The following SAMD8 variants were observed in gnomAD, a reference collection of about 807,000 sequenced individuals.
SAMD8 encodes sterile alpha motif domain containing 8, also known as sphingomyelin synthase-related protein 1.
A neutral mutation model predicts 42.0 loss-of-function variants in SAMD8; 20 were observed. The observed-to-expected ratio is 0.48, with a 90% CI of 0.34 to 0.69. SAMD8 has a LOEUF of 0.69. SAMD8 is among the 30% of genes least tolerant of loss of function. SAMD8 has a pLI of 0.01. For synonymous variants in SAMD8, 162 were observed against 173.0 expected (o/e 0.94, Z 0.50); for missense variants, 328 against 511.6 (o/e 0.64, Z 3.46).
intron 2 of SAMD8, among the ~76,000 whole-genome samples, chr10:75,162,441 G>A (rs1410090222): frequency 1.3e-5 from 2 of 152,094 alleles, no homozygotes; most frequent in East Asian, 3.9e-4. Flanking sequence ...CCTGAGGTCA[G>A]GATTTCGAGA....
chr10:75,170,065 C>T (rs1282553932), intron 4 of SAMD8, among the ~76,000 whole-genome samples: 1 of 152,144 alleles, frequency 6.6e-6, no homozygotes, highest in Non-Finnish European at 1.5e-5. Context: ...GTAGACATCT[C>T]TTCTCATTAA....
chr10:75,160,357 A>G (rs1184529698), intron 2 of SAMD8, among the ~76,000 whole-genome samples: 2 of 144,450 alleles, frequency 1.4e-5, no homozygotes, highest in Non-Finnish European at 1.5e-5. Flanking sequence ...CCACCACGCC[A>G]GGCTAATTTT....
intron 1 of SAMD8, among the ~76,000 whole-genome samples, chr10:75,133,808 GAGAA>G (rs1257227028): frequency 6.6e-6 from 1 of 152,238 alleles, no homozygotes; most frequent in African/African-American, 2.4e-5. Context: ...AGAGGCTAGA[GAGAA>G]AGGATAGGAG....
chr10:75,136,528 A>G (rs928147263), intron 1 of SAMD8, among the ~76,000 whole-genome samples: 8 of 152,180 alleles, frequency 5.3e-5, no homozygotes, highest in Non-Finnish European at 7.3e-5. Context: ...TCTGAAATCA[A>G]CAATTCAGAG....
chr10:75,139,475 A>C (rs1198879988), intron 1 of SAMD8, among the ~76,000 whole-genome samples: 2 of 152,224 alleles, frequency 1.3e-5, no homozygotes, highest in African/African-American at 4.8e-5. Context: ...AAATTATTGT[A>C]TAGTCATACA....
chr10:75,155,247 G>C (rs996965312), intron 2 of SAMD8, among the ~76,000 whole-genome samples: 1 of 152,172 alleles, frequency 6.6e-6, no homozygotes, highest in African/African-American at 2.4e-5. Context: ...CATTTACAGA[G>C]ATGGGAAAAC....
chr10:75,158,849 A>G (rs747793354), intron 2 of SAMD8, among the ~76,000 whole-genome samples: 26 of 152,152 alleles, frequency 1.7e-4, no homozygotes, highest in Admixed American at 2.6e-4. Context: ...ACTCAGCATA[A>G]TATTTTCAAG....
chr10:75,119,352 TC>T (rs574150743), intron 1 of SAMD8, among the ~76,000 whole-genome samples: 67 of 152,134 alleles, frequency 4.4e-4, no homozygotes, highest in Non-Finnish European at 8.5e-4. Flanking sequence ...AGACGGGGTT[TC>T]TCCATGTTGG....
chr10:75,150,076 ATCTCTC>A (rs749960015), intron 1 of SAMD8, among the ~76,000 whole-genome samples: 1 of 147,790 alleles, frequency 6.8e-6, no homozygotes, highest in Admixed American at 6.8e-5. Context: ...GTGTGTGTAC[ATCTCTC>A]TCTCTCTCTC....
At chr10:75,166,427 T>C (rs1840681937) in intron 3 of SAMD8, among the ~76,000 whole-genome samples, 1 of 152,084 alleles carries the variant, frequency 6.6e-6, no homozygotes, top group African/African-American at 2.4e-5. Context: ...GCTTCTGCTC[T>C]CCATTGTCTT....
chr10:75,175,299 A>G (rs1308515899), intron 4 of SAMD8, among the ~76,000 whole-genome samples: 1 of 152,136 alleles, frequency 6.6e-6, no homozygotes. Flanking sequence ...TGCTGCCTCA[A>G]TATATTTGAG....
At position 75,150,769 on chromosome 10, in the gene SAMD8, G is replaced by A; in HGVS notation, c.241G>A (p.Asp81Asn). The A allele has an allele frequency of 1.9e-6, 3 of 1,614,134 alleles. No homozygotes were observed. The highest frequency in any genetic ancestry group is 1.7e-5 in the Admixed American group (1 of 60,010). ...CCGAAAATTGCAGAAAATACATATT[G>A]ATGTTTTAGAAGAGATGGGCTACAA... ...SVRKLQKIHI[D>N]VLEEMGYNSD... is the part of the protein sequence containing the mutation. The change falls in exon 2 of 6, where the codon GAT (aspartate) becomes AAT (asparagine). Residue 81 changes from aspartate to asparagine, a missense_variant. Transcript: ENST00000542569.
Position 75,142,225 on chromosome 10 carries a change from G to A in SAMD8, c.-15-8289G>A, listed in dbSNP as rs940705399. On this transcript the variant is annotated intron_variant, in intron 1 of 5. Transcript: ENST00000542569. ...AGCTTCCCAAAGTGCTGGGATTACA[G>A]GCATGAGCCAACATGCCCAGCCTTT... Among the ~76,000 whole-genome samples, 66 of 152,028 alleles carry A rather than the reference G, an allele frequency of 4.3e-4. 1 individual carries two copies. Among genetic ancestry groups the A allele is most frequent in the Non-Finnish European group, 9.0e-4 (61 of 68,018 alleles).
rs950963031 is a variant in SAMD8, at chr10:75,181,703, G to T, written c.*5011G>T. 6.6e-6 allele frequency: 1 copy of T among 152,296 alleles called. No individual in the cohort carries two copies. The highest frequency in any genetic ancestry group is 1.9e-4 in the East Asian group (1 of 5,192). The allele number at this position is 152,296 out of a possible 1,614,324, so 9.4% of individuals were successfully genotyped here. ...CTCTTTCAATCTGAAGAACTGGGTT[G>T]TCTGGAGAATTGAACATAGCCAAGC... On this transcript the variant is annotated 3_prime_UTR_variant, in exon 6 of 6. Transcript: ENST00000542569.
upstream of SAMD8, among the ~76,000 whole-genome samples, chr10:75,110,582 G>T (rs1315728936): frequency 6.6e-6 from 1 of 152,186 alleles, no homozygotes; most frequent in Non-Finnish European, 1.5e-5. Context: ...TGTGTGGGGA[G>T]GCAAGACCAA....
chr10:75,122,147 T>C (rs1370191976), intron 1 of SAMD8, among the ~76,000 whole-genome samples: 1 of 152,196 alleles, frequency 6.6e-6, no homozygotes, highest in East Asian at 1.9e-4. Context: ...ACATTCTTAT[T>C]GTATGGAATA....
chr10:75,119,840 C>G (rs1475210234), intron 1 of SAMD8, among the ~76,000 whole-genome samples: 1 of 152,242 alleles, frequency 6.6e-6, no homozygotes, highest in African/African-American at 2.4e-5. Context: ...CCGAGGCAGG[C>G]GGATTGCCTG....
At position 75,178,449 on chromosome 10, in the gene SAMD8, T is replaced by A. The variant is rs141696580; in HGVS notation, c.*1757T>A. 1 of 152,356 alleles carries A rather than the reference T, an allele frequency of 6.6e-6. No homozygotes were observed. The highest frequency in any genetic ancestry group is 2.4e-5 in the African/African-American group (1 of 41,572). 9.4% of individuals were successfully genotyped at this position (152,356 alleles called of 1,614,324 possible). On this transcript the variant is annotated 3_prime_UTR_variant, in exon 6 of 6. Coordinates refer to ENST00000542569, the MANE Select transcript of SAMD8 (RefSeq NM_001174156.2). ...TATGCCAGTTAGAGTGGTTTGACCCTTCAGGTAAAAAGATATGTTACTGTT... is the reference window on the plus strand; with the variant it reads ...TATGCCAGTTAGAGTGGTTTGACCCATCAGGTAAAAAGATATGTTACTGTT...
chr10:75,134,275 C>G (rs1849336780), intron 1 of SAMD8, among the ~76,000 whole-genome samples: 1 of 152,140 alleles, frequency 6.6e-6, no homozygotes, highest in Non-Finnish European at 1.5e-5. Flanking sequence ...GTGCAGCAAA[C>G]CACCATGGCA....
Sources: allele counts gnomAD v4.1 joint callset (sites outside exome capture counted in the v4.1 genomes callset), GRCh38; gene constraint gnomAD v4.1.1; transcripts MANE v1.5; gene names NCBI Gene and HGNC (gene_info 2026-07-23, HGNC 2026-07-21).